UBE2D4: variants seen among roughly 807,000 people sequenced by gnomAD.
UBE2D4 encodes ubiquitin-conjugating enzyme E2 D4.
Under a neutral mutation model 23.0 loss-of-function variants are expected in UBE2D4, and 17 were observed. That is an observed-to-expected ratio of 0.74 (90% CI 0.51 to 1.11). UBE2D4 has a LOEUF of 1.11. Among genes scored for constraint, UBE2D4 ranks in the 50% least tolerant of loss-of-function variants. The pLI, the probability that UBE2D4 is intolerant of heterozygous loss-of-function variation, is 0.00. For synonymous variants in UBE2D4, 61 were observed against 69.4 expected, an observed-to-expected ratio of 0.88 and a Z score of 0.60; for missense variants, 139 against 181.8, an observed-to-expected ratio of 0.76 and a Z score of 1.35.
At position 43,938,280 on chromosome 7, in the gene UBE2D4, G is replaced by A. The variant is rs1018379730; in HGVS notation, c.25-151G>A. On this transcript the variant is annotated intron_variant, in intron 1 of 6. Transcript: ENST00000222402. ...TTCTCTGGTATCTTTGTAGCAGGGAGTAGAGTCCTATGACCCACCATGTCT... is the reference window on the plus strand; with the variant it reads ...TTCTCTGGTATCTTTGTAGCAGGGAATAGAGTCCTATGACCCACCATGTCT... The A allele has an allele frequency of 1.7e-5, 12 of 722,104 alleles. No homozygotes were observed. The African/African-American group carries it at 1.8e-4, about 11-fold the overall frequency. The allele number at this position is 722,104 out of a possible 1,614,324, so 44.7% of individuals were successfully genotyped here.
rs1195379294 is a variant in UBE2D4, at chr7:43,950,667, C to T, written c.373C>T (p.His125Tyr). Residue 125 changes from histidine (H) to tyrosine (Y), a missense_variant, in exon 6 of 7, where the codon CAC becomes TAC. By Grantham distance (83) the His-to-Tyr change is moderately conservative. Coordinates refer to ENST00000222402, the MANE Select transcript of UBE2D4 (RefSeq NM_015983.4). ...PDDPLVPEIA[H>Y]TYKADREKYN... is the part of the protein sequence containing the mutation. The stretch of plus-strand genomic sequence containing the variant: ...TGACCCCCTGGTGCCAGAGATAGCA[C>T]ACACCTACAAGGCCGACAGAGAGAA... The T allele has an allele frequency of 1.9e-6, 3 of 1,614,122 alleles. No homozygotes were observed. The highest frequency in any genetic ancestry group is 1.7e-6 in the Non-Finnish European group (2 of 1,180,038).
At chr7:43,948,607 G>T in intron 4 of UBE2D4, 25 bp from the exon 5 acceptor site, 1 of 1,495,328 alleles carries the variant, frequency 6.7e-7, no homozygotes, top group South Asian at 1.1e-5. Context: ...TGGTTTGTCT[G>T]ATTGGGGATC....
intron 2 of UBE2D4, among the ~76,000 whole-genome samples, chr7:43,938,774 T>C (rs2095964308): frequency 6.6e-6 from 1 of 152,242 alleles, no homozygotes; most frequent in South Asian, 2.1e-4. Context: ...AGGCAGAGGT[T>C]GCAGTGAGCC....
rs2095981760 is a variant in UBE2D4 at position 43,944,753 on chromosome 7, A to G, written c.198+1722A>G. On this transcript the variant is annotated intron_variant, in intron 4 of 6. Coordinates refer to ENST00000222402, the MANE Select transcript of UBE2D4 (RefSeq NM_015983.4). The surrounding 1 kb of genome is among the most constrained non-coding windows in gnomAD (Gnocchi z 4.0). The stretch of plus-strand genomic sequence containing the variant: ...GCTGTTCAAGGGAGTTTGGTTGAAA[A>G]ATCATAAGCATGCTTCATGGTGCTG... 1 of 152,162 alleles carries G rather than the reference A, an allele frequency of 6.6e-6. No individual in the cohort carries two copies. Among genetic ancestry groups the G allele is most frequent in the Admixed American group, 6.5e-5 (1 of 15,272 alleles). The allele number at this position is 152,162 out of a possible 1,614,324, so 9.4% of individuals were successfully genotyped here. A position where few individuals can be genotyped will look rare whatever the true frequency, so the allele number is the denominator to read the frequency against.
At chr7:43,936,608 T>C (rs1220338553) in intron 1 of UBE2D4, among the ~76,000 whole-genome samples, 4 of 152,196 alleles carry the variant, frequency 2.6e-5, no homozygotes, top group African/African-American at 9.6e-5. Context: ...CCCTCCTGGG[T>C]GGGCAACCAG....
At chr7:43,939,856 T>TG (rs1438480619) in intron 2 of UBE2D4, among the ~76,000 whole-genome samples, 1 of 151,852 alleles carries the variant, frequency 6.6e-6, no homozygotes, top group Non-Finnish European at 1.5e-5. Flanking sequence ...CTGAGGCTGA[T>TG]GGGGGGTGGA....
chr7:43,940,066 G>A (rs907118478), intron 2 of UBE2D4, among the ~76,000 whole-genome samples: 2 of 152,278 alleles, frequency 1.3e-5, no homozygotes, highest in African/African-American at 2.4e-5. Context: ...CTGGAAAAAA[G>A]GAGGGCATGG....
rs1474188129 is a variant in UBE2D4 at position 43,942,812 on chromosome 7, CTT to C, written c.89-11_89-10del. On this transcript the variant is annotated splice_polypyrimidine_tract_variant and intron_variant, in intron 2 of 6. Transcript: ENST00000222402. ...GGGGGTCTCTTACATGCCCGTCTCT[CTT>C]TTGTTTTGTAGTGTTCCACTGGCAG... The C allele has an allele frequency of 6.2e-7, 1 of 1,614,066 alleles. No homozygotes were observed. The highest frequency in any genetic ancestry group is 1.7e-5 in the Admixed American group (1 of 60,002).
intron 1 of UBE2D4, among the ~76,000 whole-genome samples, chr7:43,936,160 A>G (rs1193860587): frequency 6.6e-6 from 1 of 152,200 alleles, no homozygotes; most frequent in Non-Finnish European, 1.5e-5. Flanking sequence ...GGCATGAACC[A>G]CTGTACACAG....
chr7:43,940,084 T>C (rs2095967936), intron 2 of UBE2D4, among the ~76,000 whole-genome samples: 1 of 152,248 alleles, frequency 6.6e-6, no homozygotes, highest in Non-Finnish European at 1.5e-5. Context: ...TGGCATCATA[T>C]GTGTGCCTGC....
rs1311050391 is a variant in UBE2D4 at position 43,954,044 on chromosome 7, C to T, written c.*1349C>T. The T allele has an allele frequency of 6.6e-6, 1 of 152,200 alleles. No homozygotes were observed. The highest frequency in any genetic ancestry group is 1.5e-5 in the Non-Finnish European group (1 of 68,034). 9.4% of individuals were successfully genotyped at this position (152,200 alleles called of 1,614,324 possible). A position where few individuals can be genotyped will look rare whatever the true frequency, so the allele number is the denominator to read the frequency against. On this transcript the variant is annotated 3_prime_UTR_variant, in exon 7 of 7. Coordinates refer to ENST00000222402, the MANE Select transcript of UBE2D4 (RefSeq NM_015983.4). ...GTGGGAGGTTGATTTCTTCCAGAAACTTCCAAGTTGTGGCTACAAATTTAT... is the reference window on the plus strand; with the variant it reads ...GTGGGAGGTTGATTTCTTCCAGAAATTTCCAAGTTGTGGCTACAAATTTAT...
chr7:43,932,754 C>G (rs976095824), intron 1 of UBE2D4, among the ~76,000 whole-genome samples: 1 of 151,166 alleles, frequency 6.6e-6, no homozygotes, highest in East Asian at 1.9e-4. Context: ...GATGGCGCCA[C>G]GGCACTCCAA....
chr7:43,933,013 T>TATATATATATACACACACAC (rs1340458201), intron 1 of UBE2D4, among the ~76,000 whole-genome samples: 1 of 116,648 alleles, frequency 8.6e-6, no homozygotes, highest in African/African-American at 3.4e-5. Context: ...TATATATATA[T>TATATATATATACACACACAC]ACACACACAT....
rs182230873 is a variant in UBE2D4, at chr7:43,936,224, T to G, written c.25-2207T>G. On this transcript the variant is annotated intron_variant, in intron 1 of 6. Coordinates refer to ENST00000222402, the MANE Select transcript of UBE2D4 (RefSeq NM_015983.4). ...TAAAGTTTATGTGCAAAGAAAGCATTTGTGTTAGTTTATTTGCCAGCATGT... is the reference window on the plus strand; with the variant it reads ...TAAAGTTTATGTGCAAAGAAAGCATGTGTGTTAGTTTATTTGCCAGCATGT... Among the ~76,000 whole-genome samples the G allele has an allele frequency of 3.1e-3, 469 of 152,274 alleles. 1 individual carries two copies. The highest frequency in any genetic ancestry group is 6.0e-3 in the Non-Finnish European group (405 of 68,026).
At position 43,950,624 on chromosome 7, in the gene UBE2D4, C is replaced by G. The variant is rs1417323561; in HGVS notation, c.330C>G (p.Leu110=). Reference sequence around the variant, plus strand: ...TTCTCTTGTCCATCTGCTCGCTGCTCTGCGACCCCAACCCCGATGACCCCC... The same window carrying G: ...TTCTCTTGTCCATCTGCTCGCTGCTGTGCGACCCCAACCCCGATGACCCCC... ...SKVLLSICSL[L]CDPNPDDPLV... is the part of the protein sequence containing the mutation. Residue 110 remains leucine, a synonymous_variant, in exon 6 of 7, where the codon CTC becomes CTG. Coordinates refer to ENST00000222402, the MANE Select transcript of UBE2D4 (RefSeq NM_015983.4). 2 of 1,614,120 alleles carry G rather than the reference C, an allele frequency of 1.2e-6. No homozygotes were observed. The highest frequency in any genetic ancestry group is 1.1e-5 in the South Asian group (1 of 91,092).
At chr7:43,929,896 C>G (rs1394989919) in intron 1 of UBE2D4, among the ~76,000 whole-genome samples, 1 of 152,130 alleles carries the variant, frequency 6.6e-6, no homozygotes, top group Admixed American at 6.5e-5. Context: ...ATTGGGCCAC[C>G]ACTAGTTAGG....
chr7:43,942,878 G>A (rs527688138), intron 3 of UBE2D4, 21 bp downstream of exon 3: 15 of 1,614,136 alleles, frequency 9.3e-6, no homozygotes, highest in South Asian at 3.3e-5. Flanking sequence ...GCTGCTGAGC[G>A]CACCACTCCA....
chr7:43,945,946 T>A (rs1250968604), intron 4 of UBE2D4, among the ~76,000 whole-genome samples: 3 of 151,926 alleles, frequency 2.0e-5, no homozygotes, highest in Non-Finnish European at 4.4e-5. Flanking sequence ...CATGCCCGGC[T>A]AATTTTTTTG....
chr7:43,938,466 G>A lies in UBE2D4; in HGVS notation c.60G>A (p.Gln20=), dbSNP rs1453011997. The A allele has an allele frequency of 6.2e-7, 1 of 1,614,112 alleles. No individual in the cohort carries two copies. Among genetic ancestry groups the A allele is most frequent in the East Asian group, 2.2e-5 (1 of 44,886 alleles). ...ACTTGCAGAGGGATCCTCCTGCCCA[G>A]TGTTCTGCAGGACCTGTCGGTGATG... is the stretch of plus-strand genomic sequence containing the variant. ...LTDLQRDPPA[Q]CSAGPVGDDL... Residue 20 remains glutamine, a synonymous_variant, in exon 2 of 7, where the codon CAG becomes CAA. Transcript: ENST00000222402.
Sources: allele counts gnomAD v4.1 joint callset (sites outside exome capture counted in the v4.1 genomes callset), GRCh38; gene constraint gnomAD v4.1.1; non-coding constraint Gnocchi (gnomAD v3.1); transcripts MANE v1.5; gene names NCBI Gene and HGNC (gene_info 2026-07-23, HGNC 2026-07-21).